The following OTUD7A variants were observed in gnomAD, a reference collection of about 807,000 sequenced individuals.
The protein encoded by OTUD7A is OTU deubiquitinase 7A, also known as OTU domain-containing protein 7A.
A neutral mutation model predicts 65.7 loss-of-function variants in OTUD7A; 12 were observed. The ratio of observed to expected loss-of-function variants is 0.18; its 90% confidence interval spans 0.12 to 0.30. The LOEUF is 0.30. Among genes scored for constraint, OTUD7A ranks in the 10% least tolerant of loss-of-function variants. The pLI is 1.00. For synonymous variants in OTUD7A, 641 were observed against 586.3 expected, an observed-to-expected ratio of 1.09 and a Z score of -1.35; for missense variants, 1,148 against 1,304.8, an observed-to-expected ratio of 0.88 and a Z score of 1.85.
rs1311272365 is a variant in OTUD7A, at chr15:31,631,412, T to C, written c.151+23684A>G. Among the ~76,000 whole-genome samples the C allele has an allele frequency of 3.3e-5, 5 of 152,356 alleles. No homozygotes were observed. In the South Asian group the frequency reaches 1.0e-3, roughly 32 times the overall value. On this transcript the variant is annotated intron_variant, in intron 3 of 12. Coordinates refer to ENST00000307050, the MANE Select transcript of OTUD7A (RefSeq NM_001382637.1). ...TCTTTTCTTTAAGAATGTTGAATAT[T>C]GGCCCCAACTCTCTTCTGGCTTGTA...
rs533433536 is a variant in OTUD7A at position 31,478,175 on chromosome 15, G to C, written c.*5119C>G. On this transcript the variant is annotated 3_prime_UTR_variant, in exon 13 of 13. Transcript: ENST00000307050. ...ACCTGGCTTTTCCTCTGCCATGGGA[G>C]GCTGTTTCTTCGTTTAAAGGAGCAC... is the stretch of plus-strand genomic sequence containing the variant. 3.9e-5 allele frequency: 6 copies of C among 152,286 alleles called. No individual in the cohort carries two copies. The highest frequency in any genetic ancestry group is 5.9e-5 in the Non-Finnish European group (4 of 68,032). The allele number at this position is 152,286 out of a possible 1,614,324, so 9.4% of individuals were successfully genotyped here.
At chr15:31,704,298 G>A (rs1893278187) in intron 1 of OTUD7A, among the ~76,000 whole-genome samples, 1 of 118,232 alleles carries the variant, frequency 8.5e-6, no homozygotes, top group Non-Finnish European at 1.8e-5. Context: ...AACATACTTT[G>A]CCCACTCCTG....
At chr15:31,552,393 G>A (rs560131188) in intron 5 of OTUD7A, among the ~76,000 whole-genome samples, 1 of 152,344 alleles carries the variant, frequency 6.6e-6, no homozygotes, top group Admixed American at 6.5e-5. Context: ...TGCTGGAGAA[G>A]ATAACTTAGT....
At chr15:31,564,025 T>C (rs1888782213) in intron 4 of OTUD7A, among the ~76,000 whole-genome samples, 1 of 152,176 alleles carries the variant, frequency 6.6e-6, no homozygotes, top group East Asian at 1.9e-4. Context: ...AAAATGAGCC[T>C]AGTAAATACA....
chr15:31,687,422 A>G (rs1488137968), intron 1 of OTUD7A, among the ~76,000 whole-genome samples: 2 of 152,210 alleles, frequency 1.3e-5, no homozygotes, highest in African/African-American at 4.8e-5. Context: ...CAGGAATAAA[A>G]GCAGCATCCA....
chr15:31,611,375 G>T (rs186533257), intron 3 of OTUD7A, among the ~76,000 whole-genome samples: 1 of 152,134 alleles, frequency 6.6e-6, no homozygotes, highest in Non-Finnish European at 1.5e-5. Flanking sequence ...CAAAAAGCTG[G>T]TTCTTTGAAA....
intron 1 of OTUD7A, among the ~76,000 whole-genome samples, chr15:31,818,709 G>C (rs1274141277): frequency 1.3e-5 from 2 of 152,236 alleles, no homozygotes; most frequent in Non-Finnish European, 2.9e-5. Flanking sequence ...ACGGATGGTA[G>C]TAAGACATAA....
chr15:31,571,814 A>G (rs1183741517), intron 3 of OTUD7A, among the ~76,000 whole-genome samples: 6 of 152,164 alleles, frequency 3.9e-5, no homozygotes, highest in African/African-American at 1.4e-4. Context: ...TTCTCATTCA[A>G]CTGTTACTAA....
intron 8 of OTUD7A, among the ~76,000 whole-genome samples, chr15:31,511,076 T>C (rs937658184): frequency 1.5e-5 from 1 of 67,824 alleles, no homozygotes; most frequent in Non-Finnish European, 2.6e-5. Flanking sequence ...TATATATGTA[T>C]ATCTATATGT....
At chr15:31,628,233 G>GT in intron 3 of OTUD7A, among the ~76,000 whole-genome samples, 1 of 152,254 alleles carries the variant, frequency 6.6e-6, no homozygotes, top group East Asian at 1.9e-4. Context: ...TAGGTCTAAT[G>GT]TTTAAGTCTT....
intron 1 of OTUD7A, among the ~76,000 whole-genome samples, chr15:31,867,870 T>C (rs527637808): frequency 1.3e-5 from 2 of 148,264 alleles, no homozygotes; most frequent in Non-Finnish European, 3.0e-5. Context: ...CTTCCTTAAG[T>C]TTCCATCTCT....
At chr15:31,490,810 A>T (rs760650186) in intron 10 of OTUD7A, among the ~76,000 whole-genome samples, 8 of 152,224 alleles carry the variant, frequency 5.3e-5, no homozygotes, top group Non-Finnish European at 1.0e-4. Context: ...AGATATTTCC[A>T]TCCTACCTCT....
intron 5 of OTUD7A, among the ~76,000 whole-genome samples, chr15:31,543,390 C>G (rs1051008657): frequency 6.6e-6 from 1 of 151,786 alleles, no homozygotes; most frequent in African/African-American, 2.4e-5. Context: ...ATAAACACCA[C>G]ATTGAATGGG....
intron 1 of OTUD7A, among the ~76,000 whole-genome samples, chr15:31,697,329 A>T (rs907628775): frequency 1.4e-5 from 2 of 140,902 alleles, no homozygotes; most frequent in African/African-American, 2.7e-5. Flanking sequence ...ATGTTTCTCA[A>T]CCTTTGCTTT....
Position 31,729,327 on chromosome 15 carries a change from A to T in OTUD7A, c.-99-72250T>A, listed in dbSNP as rs555919711. 1.2e-4 allele frequency among the ~76,000 whole-genome samples: 19 copies of T among 152,348 alleles called. No individual in the cohort carries two copies. The South Asian group carries it at 3.7e-3, about 30-fold the overall frequency. ...CCATGATACCCTGTGGATGAGCAAA[A>T]AAAGCATGGGCTGTTAGTCCTGGTC... On this transcript the variant is annotated intron_variant, in intron 1 of 12. Coordinates refer to ENST00000307050, the MANE Select transcript of OTUD7A (RefSeq NM_001382637.1).
rs1433717935 is a variant in OTUD7A at position 31,487,312 on chromosome 15, T to G, written c.1287-34A>C. 1 of 1,610,174 alleles carries G rather than the reference T, an allele frequency of 6.2e-7. No individual in the cohort carries two copies. The highest frequency in any genetic ancestry group is 2.2e-5 in the East Asian group (1 of 44,826). On this transcript the variant is annotated intron_variant, in intron 11 of 12. Coordinates refer to ENST00000307050, the MANE Select transcript of OTUD7A (RefSeq NM_001382637.1). The surrounding 1 kb of genome is among the most constrained non-coding windows in gnomAD (Gnocchi z 6.0). ...AGAAGAATATCCTATTGAAATGGTC[T>G]GAGCTGGCCCTTATAGCACCCAGTC...
At chr15:31,799,988 ACACTT>A (rs1896075709) in intron 1 of OTUD7A, among the ~76,000 whole-genome samples, 1 of 152,100 alleles carries the variant, frequency 6.6e-6, no homozygotes, top group Non-Finnish European at 1.5e-5. Flanking sequence ...CACTGAAACC[ACACTT>A]CAGACGCAAA....
At chr15:31,603,768 C>A (rs1890153024) in intron 3 of OTUD7A, among the ~76,000 whole-genome samples, 1 of 152,006 alleles carries the variant, frequency 6.6e-6, no homozygotes, top group African/African-American at 2.4e-5. Context: ...ACAACCCCAC[C>A]AAAAAGTGGG....
chr15:31,835,190 G>GA lies in OTUD7A; in HGVS notation c.-100+35316dup, dbSNP rs143477481. 5.2e-3 allele frequency among the ~76,000 whole-genome samples: 799 copies of GA among 152,284 alleles called. 10 individuals carry two copies. Among genetic ancestry groups the GA allele is most frequent in the African/African-American group, 0.019 (769 of 41,546 alleles). ...TGAAAGTGAACAAGGTTCAAACACAGAAAAAATATGGAGAAAAGCTAGGTT... is the reference window on the plus strand; with the variant it reads ...TGAAAGTGAACAAGGTTCAAACACAGAAAAAAATATGGAGAAAAGCTAGGTT... On this transcript the variant is annotated intron_variant, in intron 1 of 12. Coordinates refer to ENST00000307050, the MANE Select transcript of OTUD7A (RefSeq NM_001382637.1).
Sources: allele counts gnomAD v4.1 joint callset (sites outside exome capture counted in the v4.1 genomes callset), GRCh38; gene constraint gnomAD v4.1.1; non-coding constraint Gnocchi (gnomAD v3.1); transcripts MANE v1.5; gene names NCBI Gene and HGNC (gene_info 2026-07-23, HGNC 2026-07-21).